The following LAMB2 variants were observed in gnomAD, a reference collection of about 807,000 sequenced individuals.
LAMB2 encodes laminin subunit beta-2.
In LAMB2, 119 loss-of-function variants were observed where a neutral mutation model predicts 202.7. The ratio of observed to expected loss-of-function variants is 0.59; its 90% confidence interval spans 0.51 to 0.68. LAMB2 has a LOEUF of 0.68. LAMB2 is among the 30% of genes least tolerant of loss of function. The pLI, the probability that LAMB2 is intolerant of heterozygous loss-of-function variation, is 0.00. For missense variants in LAMB2, 2,124 were observed against 2,410.6 expected, an observed-to-expected ratio of 0.88 and a Z score of 2.49; for synonymous variants, 818 against 902.2, an observed-to-expected ratio of 0.91 and a Z score of 1.67.
At position 49,129,229 on chromosome 3, in the gene LAMB2, C is replaced by T; in HGVS notation, c.1598+16G>A. ...TCTTTCCCCATCCCTTCCCAGGCCC[C>T]CTTTACAACACTTACTGGGGATCCA... On this transcript the variant is annotated intron_variant, in intron 12 of 31. Transcript: ENST00000305544. This position sits in a 1 kb window ranked among gnomAD's most constrained non-coding sequence, Gnocchi z 6.1. The T allele has an allele frequency of 6.2e-7, 1 of 1,614,116 alleles. No individual in the cohort carries two copies. Among genetic ancestry groups the T allele is most frequent in the Non-Finnish European group, 8.5e-7 (1 of 1,180,022 alleles).
Position 49,132,476 on chromosome 3 carries a change from T to C in LAMB2, c.249+15A>G. On this transcript the variant is annotated intron_variant, in intron 2 of 31. Coordinates refer to ENST00000305544, the MANE Select transcript of LAMB2 (RefSeq NM_002292.4). The surrounding 1 kb of genome is among the most constrained non-coding windows in gnomAD (Gnocchi z 4.6). ...CCCACCCTGACTCGGCGTCACACCCTGTCCCCAGCCACACCTGCAGGTGAC... is the reference window on the plus strand; with the variant it reads ...CCCACCCTGACTCGGCGTCACACCCCGTCCCCAGCCACACCTGCAGGTGAC... The C allele has an allele frequency of 6.2e-7, 1 of 1,614,072 alleles. No individual in the cohort carries two copies. The highest frequency in any genetic ancestry group is 8.5e-7 in the Non-Finnish European group (1 of 1,179,994).
chr3:49,123,761 G>C lies in LAMB2; in HGVS notation c.3764C>G (p.Thr1255Ser), dbSNP rs748473844. The change falls in exon 24 of 32, where the codon ACT becomes AGT. Residue 1255 changes from threonine to serine, a missense_variant. This residue lies in a region of LAMB2 where 1,702 missense variants were observed against 1,896.3 expected (regional missense o/e 0.90). Transcript: ENST00000305544. Reference sequence around the variant, plus strand: ...CTCTGTGGCCTCCACAAGCTGTGCAGTGGAGGCGGCTGAGGTGTTGCGGGC... The same window carrying C: ...CTCTGTGGCCTCCACAAGCTGTGCACTGGAGGCGGCTGAGGTGTTGCGGGC... ...VGARNTSAAS[T>S]AQLVEATEEL... The C allele has an allele frequency of 7.4e-6, 12 of 1,613,346 alleles. No homozygotes were observed. Among genetic ancestry groups the C allele is most frequent in the Admixed American group, 1.7e-5 (1 of 60,018 alleles).
In LAMB2 at chr3:49,131,034, C is replaced by T. The variant is rs2107644255; in HGVS notation, c.831G>A (p.Leu277=). The change falls in exon 7 of 32, where the codon CTG becomes CTA. Residue 277 remains leucine (L), a synonymous_variant. Coordinates refer to ENST00000305544, the MANE Select transcript of LAMB2 (RefSeq NM_002292.4). The surrounding 1 kb of genome is among the most constrained non-coding windows in gnomAD (Gnocchi z 5.0). The stretch of plus-strand genomic sequence containing the variant: ...AGCAGAAGCAGTTGCCACGTACAAC[C>T]AGCTCATAGAGGGCATAGTAGTACT... ...REKYYYALYE[L]VVRGNCFCYG... The T allele has an allele frequency of 6.2e-7, 1 of 1,613,986 alleles. No homozygotes were observed. Among genetic ancestry groups the T allele is most frequent in the South Asian group, 1.1e-5 (1 of 91,088 alleles).
Position 49,121,731 on chromosome 3 carries a change from C to T in LAMB2, c.5053G>A (p.Glu1685Lys). The part of the protein sequence containing the change: ...AGNSLAASTA[E>K]ETAGSAQGRA... ...CCCTGGGCACTGCCTGCCGTTTCTT[C>T]TGCTGTAGAGGCTGCCAGACTATTT... is the stretch of plus-strand genomic sequence containing the variant. Residue 1685 changes from glutamate (E) to lysine (K), a missense_variant, in exon 30 of 32, where the codon GAA becomes AAA. Glu to Lys is a moderately conservative substitution (Grantham distance 56). Around this residue, in one of 3 missense-constraint regions of LAMB2, gnomAD observed 1,702 missense variants for 1,896.3 expected, o/e 0.90. Coordinates refer to ENST00000305544, the MANE Select transcript of LAMB2 (RefSeq NM_002292.4). 1 of 1,613,966 alleles carries T rather than the reference C, an allele frequency of 6.2e-7. No individual in the cohort carries two copies. Among genetic ancestry groups the T allele is most frequent in the Non-Finnish European group, 8.5e-7 (1 of 1,180,038 alleles).
rs564732584 is a variant in LAMB2 at position 49,131,571 on chromosome 3, G to T, written c.612C>A (p.Ser204=). The T allele has an allele frequency of 4.3e-6, 7 of 1,613,788 alleles. No individual in the cohort carries two copies. Among genetic ancestry groups the T allele is most frequent in the Non-Finnish European group, 5.9e-6 (7 of 1,180,030 alleles). ...TGGATGGCTCAATCTCTGAGTAGCG[G>T]GACTCACAGACTACATCATCCCAGT... is the stretch of plus-strand genomic sequence containing the variant. ...PRHWDDVVCE[S]RYSEIEPSTE... Residue 204 remains serine (S), a synonymous_variant, in exon 5 of 32, where the codon TCC becomes TCA. Coordinates refer to ENST00000305544, the MANE Select transcript of LAMB2 (RefSeq NM_002292.4). This position sits in a 1 kb window ranked among gnomAD's most constrained non-coding sequence, Gnocchi z 5.0.
At position 49,130,243 on chromosome 3, in the gene LAMB2, C is replaced by A. The variant is rs1206606113; in HGVS notation, c.1213G>T (p.Ala405Ser). 6.2e-7 allele frequency: 1 copy of A among 1,614,226 alleles called. No homozygotes were observed. The highest frequency in any genetic ancestry group is 2.2e-5 in the East Asian group (1 of 44,884). Residue 405 changes from alanine to serine, a missense_variant, in exon 9 of 32, where the codon GCT (alanine) becomes TCT (serine). Transcript: ENST00000305544. The surrounding 1 kb of genome is among the most constrained non-coding windows in gnomAD (Gnocchi z 5.0). ...ATCCCAGCCTCACAGCGGCACACAG[C>A]CGGATCCCGCAGGTCCTTGGTTGGG... ...RDPTKDLRDPAVCRSCDCDPM... is the reference protein window; with the variant it reads ...RDPTKDLRDPSVCRSCDCDPM...
Position 49,121,798 on chromosome 3 carries a change from C to T in LAMB2, c.4986G>A (p.Gln1662=), listed in dbSNP as rs1469799135. 1.2e-6 allele frequency: 2 copies of T among 1,613,242 alleles called. No homozygotes were observed. The highest frequency in any genetic ancestry group is 1.7e-6 in the Non-Finnish European group (2 of 1,180,044). ...ALSSAGERAR[Q]LDALLEALKL... ...TCAGAGCCTCCAGGAGAGCATCCAA[C>T]TGCCGAGCCCTTTCACCTGCAGAGC... The change falls in exon 30 of 32, where the codon CAG becomes CAA. Residue 1662 remains glutamine, a synonymous_variant. Coordinates refer to ENST00000305544, the MANE Select transcript of LAMB2 (RefSeq NM_002292.4).
chr3:49,131,710 G>C lies in LAMB2; in HGVS notation c.473C>G (p.Ala158Gly). ...LIMTFKTFRP[A>G]AMLVERSADF... ...TGCTGAGCGTTCCACCAGCATGGCAGCAGGGCGAAATGTCTGGGTAGGGGG... is the reference window on the plus strand; with the variant it reads ...TGCTGAGCGTTCCACCAGCATGGCACCAGGGCGAAATGTCTGGGTAGGGGG... The change falls in exon 5 of 32, where the codon GCT (alanine) becomes GGT (glycine). Residue 158 changes from alanine to glycine, a missense_variant. Ala to Gly is a moderately conservative substitution (Grantham distance 60). This residue lies in a region of LAMB2 where 256 missense variants were observed against 356.1 expected (regional missense o/e 0.72). Coordinates refer to ENST00000305544, the MANE Select transcript of LAMB2 (RefSeq NM_002292.4). This position sits in a 1 kb window ranked among gnomAD's most constrained non-coding sequence, Gnocchi z 5.0. The C allele has an allele frequency of 1.9e-6, 3 of 1,613,352 alleles. No homozygotes were observed. In the South Asian group the frequency reaches 3.3e-5, roughly 18 times the overall value.
chr3:49,121,131 T>A lies in LAMB2; in HGVS notation c.*95A>T. On this transcript the variant is annotated 3_prime_UTR_variant, in exon 32 of 32. Coordinates refer to ENST00000305544, the MANE Select transcript of LAMB2 (RefSeq NM_002292.4). ...CAACACAGTGGGGGTTCACACTGGT[T>A]TATTGGGGGCCCTGCCGGGCCAAGA... The A allele has an allele frequency of 6.9e-7, 1 of 1,445,850 alleles. No homozygotes were observed. The highest frequency in any genetic ancestry group is 9.6e-7 in the Non-Finnish European group (1 of 1,046,416). The allele number at this position is 1,445,850 out of a possible 1,614,324, so 89.6% of individuals were successfully genotyped here. A position where few individuals can be genotyped will look rare whatever the true frequency, so the allele number is the denominator to read the frequency against.
chr3:49,132,879 G>T lies in LAMB2; in HGVS notation c.-12C>A, dbSNP rs768032929. The T allele has an allele frequency of 6.8e-6, 11 of 1,613,244 alleles. No individual in the cohort carries two copies. In the Admixed American group the frequency reaches 1.2e-4, roughly 17 times the overall value. On this transcript the variant is annotated 5_prime_UTR_variant, in exon 1 of 32. Transcript: ENST00000305544. The surrounding 1 kb of genome is among the most constrained non-coding windows in gnomAD (Gnocchi z 4.6). ...GAGGTCAGCTCCATCCTGAAGAGGGGAACAGGGATAAGGGGAGGTGAACGG... is the reference window on the plus strand; with the variant it reads ...GAGGTCAGCTCCATCCTGAAGAGGGTAACAGGGATAAGGGGAGGTGAACGG...
Position 49,123,672 on chromosome 3 carries a change from C to T in LAMB2, c.3798-41G>A, listed in dbSNP as rs762415128. On this transcript the variant is annotated intron_variant, in intron 24 of 31. Coordinates refer to ENST00000305544, the MANE Select transcript of LAMB2 (RefSeq NM_002292.4). ...GGGGGGTGTTTAGAGAGGCTTCAGC[C>T]CTGGTCCACTGGGCCTCTGCCCCAT... 2.5e-6 allele frequency: 4 copies of T among 1,613,838 alleles called. No individual in the cohort carries two copies. The East Asian group carries it at 8.9e-5, about 36-fold the overall frequency.
rs144133177 is a variant in LAMB2, at chr3:49,131,388, G to A, written c.703C>T (p.Arg235Trp). The change falls in exon 6 of 32, where the codon CGG (arginine) becomes TGG (tryptophan). Residue 235 changes from arginine (R) to tryptophan (W), a missense_variant. By Grantham distance (101) the Arg-to-Trp change is moderately radical (BLOSUM62 -3). Coordinates refer to ENST00000305544, the MANE Select transcript of LAMB2 (RefSeq NM_002292.4). The surrounding 1 kb of genome is among the most constrained non-coding windows in gnomAD (Gnocchi z 5.0). The part of the protein sequence containing the change: ...AIPIPDPYSS[R>W]IQNLLKITNL... ...AGGGTGGAGCACTCACTCTGAATCCGTGAGCTGTAGGGGTCTGGGATAGGG... is the reference window on the plus strand; with the variant it reads ...AGGGTGGAGCACTCACTCTGAATCCATGAGCTGTAGGGGTCTGGGATAGGG... The A allele has an allele frequency of 1.4e-4, 219 of 1,614,078 alleles. No homozygotes were observed. The African/African-American group carries it at 2.5e-3, about 19-fold the overall frequency.
Position 49,124,684 on chromosome 3 carries a change from C to A in LAMB2, c.3109+17G>T. 6.2e-7 allele frequency: 1 copy of A among 1,614,086 alleles called. No homozygotes were observed. Among genetic ancestry groups the A allele is most frequent in the Non-Finnish European group, 8.5e-7 (1 of 1,179,974 alleles). On this transcript the variant is annotated intron_variant, in intron 21 of 31. Transcript: ENST00000305544. ...CAGAACCCCAATTCAGCCATGCCCT[C>A]CCACACTCATACTCACGGTGACAGC...
rs760060166 is a variant in LAMB2 at position 49,128,749 on chromosome 3, C to A, written c.1802G>T (p.Arg601Leu). The A allele has an allele frequency of 6.2e-7, 1 of 1,614,124 alleles. No homozygotes were observed. Among genetic ancestry groups the A allele is most frequent in the South Asian group, 1.1e-5 (1 of 91,084 alleles). ...TPSWTGSGFVRLQEGQTLEFL... is the reference protein window; with the variant it reads ...TPSWTGSGFVLLQEGQTLEFL... ...CTCCAGGGTCTGACCTTCCTGTAGC[C>A]GCACGAAGCCTGAGCCAGTCCAGGA... is the stretch of plus-strand genomic sequence containing the variant. Residue 601 changes from arginine to leucine, a missense_variant, in exon 14 of 32, where the codon CGG becomes CTG. Arg to Leu is a moderately radical substitution (Grantham distance 102). Around this residue, in one of 3 missense-constraint regions of LAMB2, gnomAD observed 1,702 missense variants for 1,896.3 expected, o/e 0.90. Transcript: ENST00000305544.
Position 49,132,870 on chromosome 3 carries a change from T to C in LAMB2, c.-3A>G, listed in dbSNP as rs370406697. 1.9e-6 allele frequency: 3 copies of C among 1,613,698 alleles called. No homozygotes were observed. Among genetic ancestry groups the C allele is most frequent in the Non-Finnish European group, 2.5e-6 (3 of 1,179,796 alleles). ...CTTTCCCTTGAGGTCAGCTCCATCC[T>C]GAAGAGGGGAACAGGGATAAGGGGA... On this transcript the variant is annotated 5_prime_UTR_variant, in exon 1 of 32. Coordinates refer to ENST00000305544, the MANE Select transcript of LAMB2 (RefSeq NM_002292.4). The surrounding 1 kb of genome is among the most constrained non-coding windows in gnomAD (Gnocchi z 4.6).
rs2045465122 is a variant in LAMB2 at position 49,130,069 on chromosome 3, C to A, written c.1226-51G>T. ...CACTCACCCTATCTCAACTAGCTCA[C>A]TGCCAGTCCTCTCCTAAGCCTAAGG... On this transcript the variant is annotated intron_variant, in intron 9 of 31. Transcript: ENST00000305544. This position sits in a 1 kb window ranked among gnomAD's most constrained non-coding sequence, Gnocchi z 5.0. 3 of 1,597,744 alleles carry A rather than the reference C, an allele frequency of 1.9e-6. No homozygotes were observed. The highest frequency in any genetic ancestry group is 3.3e-5 in the Admixed American group (2 of 60,016).
rs1454991282 is a variant in LAMB2 at position 49,130,432 on chromosome 3, G to A, written c.1037-13C>T. 6 of 1,613,764 alleles carry A rather than the reference G, an allele frequency of 3.7e-6. No individual in the cohort carries two copies. In the African/African-American group the frequency reaches 8.0e-5, roughly 22 times the overall value. ...TGGCACTCACACTCTGGCAGGGGAG[G>A]AAGGGCAGGGCAAAGGCCACATGAG... On this transcript the variant is annotated splice_polypyrimidine_tract_variant and intron_variant, in intron 8 of 31. Transcript: ENST00000305544. This position sits in a 1 kb window ranked among gnomAD's most constrained non-coding sequence, Gnocchi z 5.0.
In LAMB2 at chr3:49,126,121, A is replaced by T. The variant is rs774179637; in HGVS notation, c.2190T>A (p.Phe730Leu). ...CCAGGGCAGCAGCATCACCCCCACT[A>T]AACATCTCTAGCACCAGGACACGGG... ...LLPRVLVLEM[F>L]SGGDAAALER... Residue 730 changes from phenylalanine to leucine, a missense_variant, in exon 17 of 32, where the codon TTT becomes TTA. Transcript: ENST00000305544. The T allele has an allele frequency of 1.1e-5, 18 of 1,613,490 alleles. No homozygotes were observed. The highest frequency in any genetic ancestry group is 1.4e-5 in the Non-Finnish European group (17 of 1,180,002).
chr3:49,129,206 T>C lies in LAMB2; in HGVS notation c.1598+39A>G. On this transcript the variant is annotated intron_variant, in intron 12 of 31. Transcript: ENST00000305544. The surrounding 1 kb of genome is among the most constrained non-coding windows in gnomAD (Gnocchi z 6.1). ...AGAACCTTCTCTTCTGCTCAGGATC[T>C]TTCCCCATCCCTTCCCAGGCCCCCT... The C allele has an allele frequency of 1.2e-5, 19 of 1,614,124 alleles. No individual in the cohort carries two copies. Among genetic ancestry groups the C allele is most frequent in the Non-Finnish European group, 1.4e-5 (17 of 1,180,038 alleles).
Sources: gnomAD v4.1 joint callset for allele counts on GRCh38, gnomAD v4.1.1 for gene constraint, gnomAD v4.1.1 regional missense constraint, Gnocchi (gnomAD v3.1) non-coding constraint, MANE v1.5 for transcripts, NCBI Gene and HGNC (gene_info 2026-07-23, HGNC 2026-07-21) for gene names.